CDH13: variants seen among roughly 807,000 people sequenced by gnomAD.
CDH13 encodes the protein cadherin-13.
A neutral mutation model predicts 63.8 loss-of-function variants in CDH13; 24 were observed. That is an observed-to-expected ratio of 0.38 (90% CI 0.27 to 0.53). CDH13 has a LOEUF of 0.53. CDH13 is among the 20% of genes least tolerant of loss of function. CDH13 has a pLI of 0.85. For synonymous variants in CDH13, 503 were observed against 355.3 expected (o/e 1.42, Z -4.67); for missense variants, 1,049 against 903.1 (o/e 1.16, Z -2.07).
chr16:83,790,228 C>CA (rs1916169589), intron 13 of CDH13: 1 of 152,188 alleles, frequency 6.6e-6, no homozygotes, highest in Non-Finnish European at 1.5e-5. Context: ...ATAATAACAA[C>CA]ATTTCAGTTT....
intron 2 of CDH13, among the ~76,000 whole-genome samples, chr16:82,879,474 A>G (rs978393489): frequency 8.2e-5 from 12 of 145,606 alleles, no homozygotes; most frequent in Non-Finnish European, 1.5e-4. Flanking sequence ...TTAAATAAAT[A>G]TAAAATATAT....
chr16:83,555,165 G>A (rs1335904800), intron 7 of CDH13, among the ~76,000 whole-genome samples: 1 of 152,158 alleles, frequency 6.6e-6, no homozygotes, highest in Admixed American at 6.5e-5. Flanking sequence ...TGAAAGAGGG[G>A]AGATTTTTCC....
At position 83,136,346 on chromosome 16, in the gene CDH13, C is replaced by T. The variant is rs373839208; in HGVS notation, c.483+10845C>T. ...AAAAATACAACAAAAATTAGCCGGG[C>T]GTAGTGGTGTGCGCCTGTAGTCCCA... On this transcript the variant is annotated intron_variant, in intron 4 of 13. Transcript: ENST00000567109. Among the ~76,000 whole-genome samples, 75 of 151,636 alleles carry T rather than the reference C, an allele frequency of 4.9e-4. No individual in the cohort carries two copies. The South Asian group carries it at 0.013, about 26-fold the overall frequency.
intron 1 of CDH13, among the ~76,000 whole-genome samples, chr16:82,655,312 C>T (rs758837841): frequency 2.2e-4 from 33 of 152,128 alleles, no homozygotes; most frequent in South Asian, 1.0e-3. Flanking sequence ...TAAAGTGTGA[C>T]GAAGGTGCTC....
chr16:83,520,065 C>G (rs2074793494), intron 7 of CDH13, among the ~76,000 whole-genome samples: 1 of 152,118 alleles, frequency 6.6e-6, no homozygotes, highest in African/African-American at 2.4e-5. Context: ...ACTTAAAGGA[C>G]TGACAATATC....
intron 10 of CDH13, among the ~76,000 whole-genome samples, chr16:83,684,507 G>A (rs1464549555): frequency 6.6e-6 from 1 of 152,206 alleles, no homozygotes; most frequent in Non-Finnish European, 1.5e-5. Flanking sequence ...ACATTAGGGA[G>A]GCAGCCGGCA....
intron 1 of CDH13, among the ~76,000 whole-genome samples, chr16:82,853,915 G>C (rs1343765367): frequency 6.6e-6 from 1 of 152,196 alleles, no homozygotes; most frequent in Non-Finnish European, 1.5e-5. Context: ...TTTTATGCAT[G>C]TGACATCTCA....
At chr16:82,982,628 C>G (rs1229321117) in intron 2 of CDH13, among the ~76,000 whole-genome samples, 1 of 152,162 alleles carries the variant, frequency 6.6e-6, no homozygotes, top group Non-Finnish European at 1.5e-5. Flanking sequence ...ATTCTTATCC[C>G]CCCAACTATT....
At chr16:82,810,641 C>T (rs756906851) in intron 1 of CDH13, among the ~76,000 whole-genome samples, 9 of 152,154 alleles carry the variant, frequency 5.9e-5, no homozygotes, top group Non-Finnish European at 1.0e-4. Flanking sequence ...ACATGATTCT[C>T]AGCCCCCATG....
chr16:83,582,788 T>G (rs1905745511), intron 7 of CDH13, among the ~76,000 whole-genome samples: 1 of 152,210 alleles, frequency 6.6e-6, no homozygotes, highest in African/African-American at 2.4e-5. Flanking sequence ...GTAAAATTGC[T>G]GAGGACCTTA....
At chr16:83,063,067 G>C in intron 3 of CDH13, among the ~76,000 whole-genome samples, 1 of 151,332 alleles carries the variant, frequency 6.6e-6, no homozygotes, top group East Asian at 2.0e-4. Flanking sequence ...GTTCAAGTGA[G>C]TCTCCTGCAT....
intron 1 of CDH13, among the ~76,000 whole-genome samples, chr16:82,707,074 G>T (rs1349252001): frequency 6.6e-6 from 1 of 152,200 alleles, no homozygotes; most frequent in African/African-American, 2.4e-5. Context: ...TCCCCTGTTT[G>T]GCGGGAAAAT....
intron 1 of CDH13, among the ~76,000 whole-genome samples, chr16:82,853,086 A>C (rs1031837539): frequency 6.6e-6 from 1 of 152,178 alleles, no homozygotes; most frequent in African/African-American, 2.4e-5. Flanking sequence ...CTTTCTGTGC[A>C]TACATTTAGG....
At chr16:83,112,266 C>T (rs754116178) in intron 3 of CDH13, among the ~76,000 whole-genome samples, 6 of 152,332 alleles carry the variant, frequency 3.9e-5, no homozygotes, top group Non-Finnish European at 8.8e-5. Flanking sequence ...CAGCAGTTAA[C>T]AAGAAACCAA....
At chr16:83,280,580 C>G (rs552986234) in intron 5 of CDH13, among the ~76,000 whole-genome samples, 4 of 152,190 alleles carry the variant, frequency 2.6e-5, no homozygotes, top group African/African-American at 9.7e-5. Flanking sequence ...TATCATGAAC[C>G]AAGAATGTTC....
chr16:83,210,921 A>G (rs767404639), intron 4 of CDH13, among the ~76,000 whole-genome samples: 2 of 151,776 alleles, frequency 1.3e-5, no homozygotes, highest in African/African-American at 4.8e-5. Flanking sequence ...AGGCCGAGGC[A>G]GGCAGATCAC....
chr16:82,710,574 T>TATATATATATATATAA (rs1567650022), intron 1 of CDH13, among the ~76,000 whole-genome samples: 7 of 122,034 alleles, frequency 5.7e-5, no homozygotes, highest in African/African-American at 1.7e-4. Flanking sequence ...TATATATATA[T>TATATATATATATATAA]ATAAATATAT....
At chr16:83,367,060 A>T (rs1391147889) in intron 6 of CDH13, among the ~76,000 whole-genome samples, 2 of 152,198 alleles carry the variant, frequency 1.3e-5, no homozygotes, top group Admixed American at 6.5e-5. Context: ...TCATCGCCAC[A>T]ATCAATTTTA....
chr16:82,845,291 ACT>A (rs1305118188), intron 1 of CDH13, among the ~76,000 whole-genome samples: 4 of 152,154 alleles, frequency 2.6e-5, no homozygotes, highest in Non-Finnish European at 4.4e-5. Context: ...TTTCCAATGC[ACT>A]GAGGGCTGTC....
Sources: allele counts gnomAD v4.1 joint callset (sites outside exome capture counted in the v4.1 genomes callset), GRCh38; gene constraint gnomAD v4.1.1; transcripts MANE v1.5; gene names NCBI Gene and HGNC (gene_info 2026-07-23, HGNC 2026-07-21).